The following UBA6 variants were observed in gnomAD, a reference collection of about 807,000 sequenced individuals.
The protein encoded by UBA6 is ubiquitin-like modifier-activating enzyme 6.
A neutral mutation model predicts 148.3 loss-of-function variants in UBA6; 87 were observed. The observed-to-expected ratio is 0.59, with a 90% CI of 0.49 to 0.70. The LOEUF (loss-of-function observed/expected upper bound fraction) is 0.70, where lower values mean the gene tolerates loss of function less well. Ranked by LOEUF, UBA6 falls within the 30% of genes least tolerant of loss-of-function variation. UBA6 has a pLI of 0.00. For synonymous variants in UBA6, 376 were observed against 401.0 expected (o/e 0.94, Z 0.75); for missense variants, 1,186 against 1,241.2 (o/e 0.96, Z 0.67).
At chr4:67,641,542 G>A (rs1041215033) in intron 17 of UBA6, among the ~76,000 whole-genome samples, 2 of 152,132 alleles carry the variant, frequency 1.3e-5, no homozygotes, top group Non-Finnish European at 2.9e-5. Context: ...ATTACCTGCA[G>A]AGGAGCTAGC....
rs572871077 is a variant in UBA6, at chr4:67,652,601, C to T, written c.1105-3390G>A. On this transcript the variant is annotated intron_variant, in intron 13 of 32. Coordinates refer to ENST00000322244, the MANE Select transcript of UBA6 (RefSeq NM_018227.6). The stretch of plus-strand genomic sequence containing the variant: ...GGAACAGCTCGTCTGCAGCTCCCAG[C>T]GAGATCGATGCAGAAGACAGGTGAT... 1.5e-3 allele frequency among the ~76,000 whole-genome samples: 224 copies of T among 152,274 alleles called. 2 individuals are homozygous for T. The highest frequency in any genetic ancestry group is 5.1e-3 in the African/African-American group (212 of 41,544).
chr4:67,672,223 A>G (rs966359861), intron 7 of UBA6, among the ~76,000 whole-genome samples: 2 of 152,176 alleles, frequency 1.3e-5, no homozygotes, highest in African/African-American at 2.4e-5. Flanking sequence ...CTTTTATGTA[A>G]GTTACACCTA....
At chr4:67,677,845 T>C (rs1358443087) in intron 5 of UBA6, 123 bp from the exon 6 acceptor site, 2 of 519,344 alleles carry the variant, frequency 3.9e-6, no homozygotes, top group Non-Finnish European at 6.6e-6. Flanking sequence ...GAAACTTACC[T>C]TGTAGAAGAA....
chr4:67,679,469 A>AGTCT lies in UBA6; in HGVS notation c.259-940_259-937dup, dbSNP rs1355518586. On this transcript the variant is annotated intron_variant, in intron 4 of 32. Coordinates refer to ENST00000322244, the MANE Select transcript of UBA6 (RefSeq NM_018227.6). ...AATACATGGACTAAACTGTTTATGGAGTCTGCTACACACAGAGATTTATTT... is the reference window on the plus strand; with the variant it reads ...AATACATGGACTAAACTGTTTATGGAGTCTGTCTGCTACACACAGAGATTTATTT... Among the ~76,000 whole-genome samples, 8 of 152,274 alleles carry AGTCT rather than the reference A, an allele frequency of 5.3e-5. No homozygotes were observed. In the South Asian group the frequency reaches 8.3e-4, roughly 16 times the overall value.
rs534250437 is a variant in UBA6 at position 67,701,070 on chromosome 4, C to T, written c.50G>A (p.Cys17Tyr). Residue 17 changes from cysteine to tyrosine, a missense_variant, in exon 1 of 33, where the codon TGT becomes TAT. Transcript: ENST00000322244. ...TCACCTGCCAGTCCCCCAGGAAGAA[C>T]AGGACGCCTCTTCCCCCTGATGGGC... ...VAAHQGEEAS[C>Y]SSWGTGSTNK... 6.2e-7 allele frequency: 1 copy of T among 1,613,830 alleles called. No homozygotes were observed. The highest frequency in any genetic ancestry group is 2.2e-5 in the East Asian group (1 of 44,864).
intron 2 of UBA6, among the ~76,000 whole-genome samples, chr4:67,691,574 T>A (rs1021490366): frequency 1.3e-5 from 2 of 152,200 alleles, no homozygotes; most frequent in East Asian, 3.8e-4. Context: ...TTCTTGCATA[T>A]TTTTTCATCA....
At position 67,615,174 on chromosome 4, in the gene UBA6, A is replaced by T. The variant is rs879335265; in HGVS notation, c.*3823T>A. ...GGTGGGAGGTGTTCGGGTTATGGGG[A>T]TGGATATCTGGATCCCTCATAAATG... On this transcript the variant is annotated 3_prime_UTR_variant, in exon 33 of 33. Coordinates refer to ENST00000322244, the MANE Select transcript of UBA6 (RefSeq NM_018227.6). The T allele has an allele frequency of 2.0e-5, 3 of 152,164 alleles. No individual in the cohort carries two copies. Among genetic ancestry groups the T allele is most frequent in the Non-Finnish European group, 4.4e-5 (3 of 68,030 alleles). 9.4% of individuals were successfully genotyped at this position (152,164 alleles called of 1,614,324 possible). A position where few individuals can be genotyped will look rare whatever the true frequency, so the allele number is the denominator to read the frequency against.
At chr4:67,665,320 T>C (rs1729967060) in intron 9 of UBA6, 28 bp from the exon 10 acceptor site, 6 of 1,331,690 alleles carry the variant, frequency 4.5e-6, no homozygotes, top group Non-Finnish European at 6.4e-6. Flanking sequence ...TAAAAAATCA[T>C]TACACAGGGA....
intron 19 of UBA6, among the ~76,000 whole-genome samples, chr4:67,637,457 G>A (rs533321148): frequency 3.9e-5 from 6 of 152,300 alleles, no homozygotes; most frequent in African/African-American, 1.4e-4. Context: ...CATTGAGAAC[G>A]GGCCATGATG....
intron 7 of UBA6, among the ~76,000 whole-genome samples, chr4:67,672,151 T>C (rs1467368792): frequency 6.6e-6 from 1 of 152,218 alleles, no homozygotes; most frequent in African/African-American, 2.4e-5. Flanking sequence ...AACAGTTCTA[T>C]TTCTTTTGGT....
chr4:67,623,145 T>C lies in UBA6; in HGVS notation c.2918A>G (p.Asn973Ser). ...KEDFTLLDFI[N>S]AVKEKYGIEP... ...ACAAAAGTATCTCACTTTGACTGCA[T>C]TTATGAAATCCAAGAGGGTGAAATC... The change falls in exon 31 of 33, where the codon AAT becomes AGT. Residue 973 changes from asparagine (N) to serine (S), a missense_variant. Transcript: ENST00000322244. The C allele has an allele frequency of 1.2e-6, 2 of 1,611,686 alleles. No homozygotes were observed. The highest frequency in any genetic ancestry group is 1.7e-6 in the Non-Finnish European group (2 of 1,178,382).
chr4:67,661,418 T>C (rs1729853586), intron 13 of UBA6, among the ~76,000 whole-genome samples: 1 of 152,158 alleles, frequency 6.6e-6, no homozygotes. Context: ...AACCTGGCAG[T>C]TCCCCTGCTT....
At position 67,614,323 on chromosome 4, in the gene UBA6, A is replaced by T. The variant is rs1728587092; in HGVS notation, c.*4674T>A. ...CTATATAAAACCAAGATGTACTCTG[A>T]CCACCTGGGGCACATGTTCTCTGGA... On this transcript the variant is annotated 3_prime_UTR_variant, in exon 33 of 33. Transcript: ENST00000322244. The T allele has an allele frequency of 1.3e-5, 2 of 152,196 alleles. No individual in the cohort carries two copies. Among genetic ancestry groups the T allele is most frequent in the African/African-American group, 4.8e-5 (2 of 41,432 alleles). The allele number at this position is 152,196 out of a possible 1,614,324, so 9.4% of individuals were successfully genotyped here. A position where few individuals can be genotyped will look rare whatever the true frequency, so the allele number is the denominator to read the frequency against.
intron 25 of UBA6, among the ~76,000 whole-genome samples, 168 bp downstream of exon 25, chr4:67,631,531 GGGAAGGGTT>G (rs1355775184): frequency 6.6e-6 from 1 of 152,094 alleles, no homozygotes; most frequent in Non-Finnish European, 1.5e-5. Flanking sequence ...ACATTTGTGT[GGGAAGGGTT>G]GTGGCTGGCT....
intron 28 of UBA6, among the ~76,000 whole-genome samples, chr4:67,625,395 T>C (rs1728843160): frequency 7.0e-6 from 1 of 143,516 alleles, no homozygotes; most frequent in Admixed American, 6.9e-5. Flanking sequence ...TTTTTTTTAA[T>C]TAAAAAAAAA....
rs143411144 is a variant in UBA6, at chr4:67,648,920, C to G, written c.1248+148G>C. The stretch of plus-strand genomic sequence containing the variant: ...ATCCTGTTAATTTCAATCATAGAAT[C>G]AAGTGTTGGAGGCATACTGCTTGCA... On this transcript the variant is annotated intron_variant, in intron 14 of 32. Coordinates refer to ENST00000322244, the MANE Select transcript of UBA6 (RefSeq NM_018227.6). 140 of 764,460 alleles carry G rather than the reference C, an allele frequency of 1.8e-4. No homozygotes were observed. In the African/African-American group the frequency reaches 2.1e-3, roughly 12 times the overall value. The allele number at this position is 764,460 out of a possible 1,614,324, so 47.4% of individuals were successfully genotyped here. A position where few individuals can be genotyped will look rare whatever the true frequency, so the allele number is the denominator to read the frequency against.
In UBA6 at chr4:67,682,056, A is replaced by C. The variant is rs2627256; in HGVS notation, c.229+63T>G. 97,966 of 1,220,796 alleles carry C rather than the reference A, an allele frequency of 0.08. 4,843 individuals carry two copies. The highest frequency in any genetic ancestry group is 0.2 in the African/African-American group (13,204 of 66,964). The allele number at this position is 1,220,796 out of a possible 1,614,324, so 75.6% of individuals were successfully genotyped here. A position where few individuals can be genotyped will look rare whatever the true frequency, so the allele number is the denominator to read the frequency against. ...TAGGAAATATAAGGGGATGAAGTTA[A>C]GTTATTTAAACTATCTTCATTGCTC... On this transcript the variant is annotated intron_variant, in intron 3 of 32. Transcript: ENST00000322244.
intron 32 of UBA6, 102 bp from the exon 33 acceptor site, chr4:67,619,234 C>CT: frequency 1.3e-6 from 1 of 782,030 alleles, no homozygotes. Context: ...TGTATCTAGA[C>CT]TTTAACATCT....
chr4:67,640,936 T>C (rs1229591904), intron 18 of UBA6, among the ~76,000 whole-genome samples: 1 of 152,210 alleles, frequency 6.6e-6, no homozygotes, highest in Non-Finnish European at 1.5e-5. Context: ...ATACTGCCTG[T>C]TTCACAACTC....
Sources: gnomAD v4.1 joint callset for allele counts (sites outside exome capture counted in the v4.1 genomes callset) on GRCh38, gnomAD v4.1.1 for gene constraint, MANE v1.5 for transcripts, NCBI Gene and HGNC (gene_info 2026-07-23, HGNC 2026-07-21) for gene names.